Variants in PCDHGB7 observed in about 807,000 individuals in gnomAD.
The protein encoded by PCDHGB7 is protocadherin gamma subfamily B, 7.
Under a neutral mutation model 61.4 loss-of-function variants are expected in PCDHGB7, and 37 were observed. The ratio of observed to expected loss-of-function variants is 0.60; its 90% CI spans 0.46 to 0.79. PCDHGB7 has a LOEUF of 0.79. Among genes scored for constraint, PCDHGB7 ranks in the 30% least tolerant of loss-of-function variants. PCDHGB7 has a pLI of 0.00. For synonymous variants in PCDHGB7, 464 were observed against 503.5 expected (o/e 0.92, Z 1.05); for missense variants, 1,166 against 1,202.5 (o/e 0.97, Z 0.45).
At position 141,476,356 on chromosome 5, in the gene PCDHGB7, C is replaced by T. The variant is rs757679991; in HGVS notation, c.2416-18451C>T. The stretch of plus-strand genomic sequence containing the variant: ...CTAGCCGAAGATTCTTTGAGGTGAA[C>T]CGGGAGACCGGAGAGATGTTTGTGA... On this transcript the variant is annotated intron_variant, in intron 1 of 3. Coordinates refer to ENST00000398594, the MANE Select transcript of PCDHGB7 (RefSeq NM_018927.4). This position sits in a 1 kb window ranked among gnomAD's most constrained non-coding sequence, Gnocchi z 7.6. 6 of 1,613,958 alleles carry T rather than the reference C, an allele frequency of 3.7e-6. No individual in the cohort carries two copies. The African/African-American group carries it at 4.0e-5, about 11-fold the overall frequency.
Position 141,431,615 on chromosome 5 carries a change from G to A in PCDHGB7, c.2415+11341G>A. 1.2e-6 allele frequency: 2 copies of A among 1,614,236 alleles called. No homozygotes were observed. Among genetic ancestry groups the A allele is most frequent in the Non-Finnish European group, 1.7e-6 (2 of 1,180,042 alleles). ...GAGGTATTCCTTCCGGTATGTGGACGACAAGGCGGCCCAAGTTTTCAAACT... is the reference window on the plus strand; with the variant it reads ...GAGGTATTCCTTCCGGTATGTGGACAACAAGGCGGCCCAAGTTTTCAAACT... On this transcript the variant is annotated intron_variant, in intron 1 of 3. Coordinates refer to ENST00000398594, the MANE Select transcript of PCDHGB7 (RefSeq NM_018927.4). The surrounding 1 kb of genome is among the most constrained non-coding windows in gnomAD (Gnocchi z 4.8).
At chr5:141,448,710 G>T (rs897054829) in intron 1 of PCDHGB7, among the ~76,000 whole-genome samples, 1 of 152,162 alleles carries the variant, frequency 6.6e-6, no homozygotes, top group Non-Finnish European at 1.5e-5. Flanking sequence ...GGAGGCCGAG[G>T]CGGGAGGATC....
intron 1 of PCDHGB7, among the ~76,000 whole-genome samples, chr5:141,459,348 C>G (rs1015330513): frequency 2.6e-5 from 4 of 152,194 alleles, no homozygotes; most frequent in Admixed American, 2.0e-4. Context: ...TCTTGAAATT[C>G]ATTCATGTTC....
At chr5:141,481,963 TA>T (rs1158466251) in intron 1 of PCDHGB7, among the ~76,000 whole-genome samples, 1 of 148,746 alleles carries the variant, frequency 6.7e-6, no homozygotes, top group Non-Finnish European at 1.5e-5. Context: ...CAGGTGCCTG[TA>T]GTCACAGCTA....
intron 1 of PCDHGB7, among the ~76,000 whole-genome samples, chr5:141,456,917 C>G (rs1005360691): frequency 2.6e-5 from 4 of 152,032 alleles, no homozygotes; most frequent in Non-Finnish European, 5.9e-5. Context: ...GAGCCGAGAT[C>G]GCACCACTGC....
In PCDHGB7 at chr5:141,480,546, G is replaced by A. The variant is rs184388425; in HGVS notation, c.2416-14261G>A. Reference sequence around the variant, plus strand: ...GACAAAGTAGAAGCACATATGAAAAGGCTAAGAAAGCATGAAAGCCAGCAA... The same window carrying A: ...GACAAAGTAGAAGCACATATGAAAAAGCTAAGAAAGCATGAAAGCCAGCAA... On this transcript the variant is annotated intron_variant, in intron 1 of 3. Coordinates refer to ENST00000398594, the MANE Select transcript of PCDHGB7 (RefSeq NM_018927.4). 4.9e-4 allele frequency among the ~76,000 whole-genome samples: 63 copies of A among 128,620 alleles called. 1 individual carries two copies. Among genetic ancestry groups the A allele is most frequent in the Middle Eastern group, 4.2e-3 (1 of 236 alleles). The allele number at this position is 128,620 out of a possible 152,430, so 84.4% of individuals were successfully genotyped here. A position where few individuals can be genotyped will look rare whatever the true frequency, so the allele number is the denominator to read the frequency against.
chr5:141,426,270 G>A lies in PCDHGB7; in HGVS notation c.2415+5996G>A, dbSNP rs999517850. On this transcript the variant is annotated intron_variant, in intron 1 of 3. Coordinates refer to ENST00000398594, the MANE Select transcript of PCDHGB7 (RefSeq NM_018927.4). Reference sequence around the variant, plus strand: ...TTTTCTCTTAACGTCGGAGACTGCAGCAACGCATGGGAAGGATGGGAAACA... The same window carrying A: ...TTTTCTCTTAACGTCGGAGACTGCAACAACGCATGGGAAGGATGGGAAACA... 2.6e-4 allele frequency: 43 copies of A among 163,626 alleles called. 1 individual carries two copies. The highest frequency in any genetic ancestry group is 3.0e-3 in the Middle Eastern group (1 of 328). 10.1% of individuals were successfully genotyped at this position (163,626 alleles called of 1,614,324 possible).
intron 1 of PCDHGB7, chr5:141,422,654 C>T: frequency 1.2e-6 from 2 of 1,610,030 alleles, no homozygotes; most frequent in Non-Finnish European, 1.7e-6. Flanking sequence ...TTCTCAGTGA[C>T]CGCCCTCGAC....
rs768648952 is a variant in PCDHGB7, at chr5:141,477,230, G to T, written c.2416-17577G>T. 14 of 1,614,046 alleles carry T rather than the reference G, an allele frequency of 8.7e-6. No homozygotes were observed. The highest frequency in any genetic ancestry group is 4.0e-5 in the African/African-American group (3 of 74,916). On this transcript the variant is annotated intron_variant, in intron 1 of 3. Transcript: ENST00000398594. The surrounding 1 kb of genome is among the most constrained non-coding windows in gnomAD (Gnocchi z 4.9). Reference sequence around the variant, plus strand: ...GGATGCCCCTCTGGGGACTGTCATCGCTTTGCTCAGTGTGACTGACCTGGA... The same window carrying T: ...GGATGCCCCTCTGGGGACTGTCATCTCTTTGCTCAGTGTGACTGACCTGGA...
In PCDHGB7 at chr5:141,476,533, A is replaced by G; in HGVS notation, c.2416-18274A>G. 6.2e-7 allele frequency: 1 copy of G among 1,614,184 alleles called. No individual in the cohort carries two copies. Among genetic ancestry groups the G allele is most frequent in the Non-Finnish European group, 8.5e-7 (1 of 1,180,022 alleles). On this transcript the variant is annotated intron_variant, in intron 1 of 3. Transcript: ENST00000398594. The surrounding 1 kb of genome is among the most constrained non-coding windows in gnomAD (Gnocchi z 7.6). ...ACAATCCTGCTTTCCCTACCCAGGA[A>G]ATGAAATTGGAGATTAGCGAGGCCG...
intron 2 of PCDHGB7, among the ~76,000 whole-genome samples, chr5:141,499,298 C>A (rs1239333151): frequency 6.6e-6 from 1 of 152,210 alleles, no homozygotes; most frequent in African/African-American, 2.4e-5. Context: ...ACACTACCAT[C>A]CCTCCTCTGA....
rs1239481973 is a variant in PCDHGB7 at position 141,491,585 on chromosome 5, C to G, written c.2416-3222C>G. On this transcript the variant is annotated intron_variant, in intron 1 of 3. Coordinates refer to ENST00000398594, the MANE Select transcript of PCDHGB7 (RefSeq NM_018927.4). The surrounding 1 kb of genome is among the most constrained non-coding windows in gnomAD (Gnocchi z 6.9). ...TACAGGACGTGCTTTTCACCGGCCT[C>G]GGACGGCAGTGACTTCACTTTTCTA... 6.2e-7 allele frequency: 1 copy of G among 1,613,964 alleles called. No individual in the cohort carries two copies.
chr5:141,435,027 AC>A (rs1485237615), intron 1 of PCDHGB7, among the ~76,000 whole-genome samples: 1 of 151,978 alleles, frequency 6.6e-6, no homozygotes, highest in Non-Finnish European at 1.5e-5. Flanking sequence ...CTCTTTTCCC[AC>A]TTTTATTTTT....
At position 141,508,670 on chromosome 5, in the gene PCDHGB7, C is replaced by A. The variant is rs184838473; in HGVS notation, c.2564-2277C>A. The stretch of plus-strand genomic sequence containing the variant: ...GGCCCTTCCTGTCATTCTGTCTCTG[C>A]CTCCCTTCTCCCTGCTTCTCCGTGT... On this transcript the variant is annotated intron_variant, in intron 3 of 3. Coordinates refer to ENST00000398594, the MANE Select transcript of PCDHGB7 (RefSeq NM_018927.4). Among the ~76,000 whole-genome samples the A allele has an allele frequency of 3.7e-3, 564 of 152,202 alleles. 5 individuals are homozygous for A. The highest frequency in any genetic ancestry group is 0.011 in the Admixed American group (164 of 15,294).
At chr5:141,421,320 G>C (rs1561793188) in intron 1 of PCDHGB7, 1 of 1,613,904 alleles carries the variant, frequency 6.2e-7, no homozygotes, top group East Asian at 2.2e-5. Flanking sequence ...GGGCCAGGCA[G>C]ATCCGATATT....
At chr5:141,500,499 G>A (rs531501031) in intron 2 of PCDHGB7, among the ~76,000 whole-genome samples, 11 of 151,970 alleles carry the variant, frequency 7.2e-5, no homozygotes, top group African/African-American at 2.7e-4. Context: ...GTGAGCCACC[G>A]CGCCTGGCCG....
At chr5:141,422,789 T>A (rs776409955) in intron 1 of PCDHGB7, 16 of 1,614,158 alleles carry the variant, frequency 9.9e-6, no homozygotes, top group Non-Finnish European at 1.4e-5. Context: ...CTACAATCCT[T>A]CGACTATGAG....
chr5:141,490,111 A>G lies in PCDHGB7; in HGVS notation c.2416-4696A>G. 6.2e-7 allele frequency: 1 copy of G among 1,614,244 alleles called. No individual in the cohort carries two copies. The highest frequency in any genetic ancestry group is 8.5e-7 in the Non-Finnish European group (1 of 1,180,042). On this transcript the variant is annotated intron_variant, in intron 1 of 3. Coordinates refer to ENST00000398594, the MANE Select transcript of PCDHGB7 (RefSeq NM_018927.4). The surrounding 1 kb of genome is among the most constrained non-coding windows in gnomAD (Gnocchi z 5.4). ...AGACCACACATCTGAGGCAGTGCGGAACCTCTTTGGCCTAGACCCTAGCAG... is the reference window on the plus strand; with the variant it reads ...AGACCACACATCTGAGGCAGTGCGGGACCTCTTTGGCCTAGACCCTAGCAG...
At position 141,477,020 on chromosome 5, in the gene PCDHGB7, G is replaced by A; in HGVS notation, c.2416-17787G>A. The A allele has an allele frequency of 6.2e-7, 1 of 1,614,224 alleles. No individual in the cohort carries two copies. Among genetic ancestry groups the A allele is most frequent in the Non-Finnish European group, 8.5e-7 (1 of 1,180,048 alleles). ...ACTATTCGCCTTAGACCTTGTAACC[G>A]GGATGCTGACAATCAAGGGTCGGCT... On this transcript the variant is annotated intron_variant, in intron 1 of 3. Transcript: ENST00000398594. This position sits in a 1 kb window ranked among gnomAD's most constrained non-coding sequence, Gnocchi z 4.9.
Sources: allele counts gnomAD v4.1 joint callset (sites outside exome capture counted in the v4.1 genomes callset), GRCh38; gene constraint gnomAD v4.1.1; non-coding constraint Gnocchi (gnomAD v3.1); transcripts MANE v1.5; gene names NCBI Gene and HGNC (gene_info 2026-07-23, HGNC 2026-07-21).